The following TJP1 variants were observed in gnomAD, a reference collection of about 807,000 sequenced individuals.
TJP1 encodes tight junction protein 1.
In TJP1, 43 loss-of-function variants were observed where a neutral mutation model predicts 194.2. That is an observed-to-expected ratio of 0.22 (90% CI 0.17 to 0.29). The LOEUF (loss-of-function observed/expected upper bound fraction) is 0.29, where lower values mean the gene tolerates loss of function less well. TJP1 is among the 10% of genes least tolerant of loss of function. The pLI, the probability that TJP1 is intolerant of heterozygous loss-of-function variation, is 1.00. For missense variants in TJP1, 1,971 were observed against 2,185.7 expected (o/e 0.90, Z 1.96); for synonymous variants, 801 against 779.0 (o/e 1.03, Z -0.47).
At chr15:29,717,557 T>C (rs2042641859) in intron 22 of TJP1, among the ~76,000 whole-genome samples, 1 of 152,154 alleles carries the variant, frequency 6.6e-6, no homozygotes, top group African/African-American at 2.4e-5. Context: ...AGTGTCTCTC[T>C]CTACAATGCA....
intron 9 of TJP1, 70 bp downstream of exon 9, chr15:29,742,572 C>T: frequency 3.5e-6 from 5 of 1,420,666 alleles, no homozygotes; most frequent in Non-Finnish European, 4.6e-6. Flanking sequence ...TTAAAATCTT[C>T]TGTAAATCCT....
chr15:29,765,048 C>T (rs566119681), intron 5 of TJP1, among the ~76,000 whole-genome samples: 1 of 151,938 alleles, frequency 6.6e-6, no homozygotes, highest in African/African-American at 2.4e-5. Context: ...GCAAAAGATA[C>T]AGAAAGGTGG....
At chr15:29,922,114 C>A (rs547288680) in intron 2 of TJP1, among the ~76,000 whole-genome samples, 80 of 152,040 alleles carry the variant, frequency 5.3e-4, no homozygotes, top group Non-Finnish European at 1.0e-3. Context: ...CCCAAAGTGT[C>A]GGGATTACAG....
chr15:29,918,392 C>T (rs1341502817), intron 2 of TJP1, among the ~76,000 whole-genome samples: 1 of 152,036 alleles, frequency 6.6e-6, no homozygotes, highest in Non-Finnish European at 1.5e-5. Context: ...AACTTCCCAA[C>T]GTTAAAGACA....
intron 1 of TJP1, among the ~76,000 whole-genome samples, chr15:29,801,280 T>C (rs1484867506): frequency 2.0e-5 from 3 of 152,224 alleles, no homozygotes; most frequent in South Asian, 2.1e-4. Flanking sequence ...TTCTAGTATA[T>C]GTATCACACA....
chr15:29,878,288 G>C (rs965202989), intron 2 of TJP1, among the ~76,000 whole-genome samples: 58 of 152,118 alleles, frequency 3.8e-4, no homozygotes, highest in African/African-American at 1.3e-3. Context: ...CTGACTCCGT[G>C]ATCCGCCCGC....
intron 2 of TJP1, among the ~76,000 whole-genome samples, chr15:29,949,965 CCACAACCAT>C (rs1207724113): frequency 6.5e-5 from 3 of 46,326 alleles, no homozygotes; most frequent in African/African-American, 1.9e-4. Flanking sequence ...ACCACCTCCA[CCACAACCAT>C]CTTCACCACC....
intron 2 of TJP1, among the ~76,000 whole-genome samples, chr15:29,891,223 G>C (rs1373626126): frequency 6.6e-6 from 1 of 152,156 alleles, no homozygotes; most frequent in East Asian, 1.9e-4. Flanking sequence ...CAGGTAGTAG[G>C]AGCATCAAAT....
intron 2 of TJP1, among the ~76,000 whole-genome samples, chr15:29,796,440 A>C (rs2151852600): frequency 1.3e-5 from 2 of 152,240 alleles, no homozygotes; most frequent in South Asian, 4.1e-4. Flanking sequence ...AGCGCCAAGA[A>C]ACATGAGATA....
chr15:29,952,524 C>T (rs2055787733), intron 2 of TJP1, among the ~76,000 whole-genome samples: 1 of 152,104 alleles, frequency 6.6e-6, no homozygotes, highest in Non-Finnish European at 1.5e-5. Flanking sequence ...CCTGAGGCCT[C>T]TCAGCCAGAA....
At chr15:29,753,863 GC>G (rs2045470449) in intron 8 of TJP1, among the ~76,000 whole-genome samples, 2 of 149,582 alleles carry the variant, frequency 1.3e-5, no homozygotes, top group African/African-American at 4.9e-5. Context: ...CTCATGGTGA[GC>G]CTAAAAAAGA....
chr15:29,949,469 A>ACCACCT (rs1567225004), intron 2 of TJP1, among the ~76,000 whole-genome samples: 1 of 31,738 alleles, frequency 3.2e-5, no homozygotes, highest in Non-Finnish European at 6.2e-5. Context: ...TTCCACCACC[A>ACCACCT]CCACCTCCAC....
intron 1 of TJP1, among the ~76,000 whole-genome samples, chr15:29,967,322 C>T (rs2056368016): frequency 6.6e-6 from 1 of 151,582 alleles, no homozygotes; most frequent in Non-Finnish European, 1.5e-5. Context: ...AGGTGTGAGC[C>T]ACTATACCCG....
At chr15:29,946,225 A>C (rs1596304258) in intron 2 of TJP1, among the ~76,000 whole-genome samples, 1 of 152,238 alleles carries the variant, frequency 6.6e-6, no homozygotes, top group Non-Finnish European at 1.5e-5. Context: ...GCTTTTTACT[A>C]CAGTGGAATG....
chr15:29,737,246 G>A lies in TJP1; in HGVS notation c.1407+18C>T. ...TCCAAATACTTTTTAACCCACATAA[G>A]TTGCAATACTGACATACCCTGAGAA... On this transcript the variant is annotated intron_variant, in intron 11 of 27. Transcript: ENST00000614355. 1 of 1,611,768 alleles carries A rather than the reference G, an allele frequency of 6.2e-7. No individual in the cohort carries two copies. The highest frequency in any genetic ancestry group is 8.5e-7 in the Non-Finnish European group (1 of 1,178,528).
chr15:29,878,238 G>A (rs561195394), intron 2 of TJP1, among the ~76,000 whole-genome samples: 4 of 152,022 alleles, frequency 2.6e-5, no homozygotes, highest in African/African-American at 9.6e-5. Context: ...TTTTAGTAGA[G>A]ACGGGGTTTC....
At chr15:29,950,406 C>A (rs1350092304) in intron 2 of TJP1, among the ~76,000 whole-genome samples, 5 of 151,792 alleles carry the variant, frequency 3.3e-5, no homozygotes, top group Non-Finnish European at 7.4e-5. Context: ...ACCACCACTT[C>A]TACCACCATA....
chr15:29,829,581 A>G (rs1452432061), intron 2 of TJP1, among the ~76,000 whole-genome samples: 1 of 151,672 alleles, frequency 6.6e-6, no homozygotes, highest in Non-Finnish European at 1.5e-5. Context: ...AGCTCTTTAG[A>G]TTAGTCTGTC....
In TJP1 at chr15:29,715,354, T is replaced by C. The variant is rs1334104911; in HGVS notation, c.4202+1257A>G. On this transcript the variant is annotated intron_variant, in intron 23 of 27. Coordinates refer to ENST00000614355, the MANE Select transcript of TJP1 (RefSeq NM_001330239.4). Reference sequence around the variant, plus strand: ...GCACTCTCAGTTTGCATTTGGATTCTCATAAACTGCTTTCTTCTGTAAACA... The same window carrying C: ...GCACTCTCAGTTTGCATTTGGATTCCCATAAACTGCTTTCTTCTGTAAACA... 2.0e-5 allele frequency among the ~76,000 whole-genome samples: 3 copies of C among 152,198 alleles called. No individual in the cohort carries two copies. In the East Asian group the frequency reaches 5.8e-4, roughly 29 times the overall value.
Sources: allele counts gnomAD v4.1 joint callset (sites outside exome capture counted in the v4.1 genomes callset), GRCh38; gene constraint gnomAD v4.1.1; transcripts MANE v1.5; gene names NCBI Gene and HGNC (gene_info 2026-07-23, HGNC 2026-07-21).